ITGA9: variants seen among roughly 807,000 people sequenced by gnomAD.
ITGA9 encodes integrin alpha-9.
In ITGA9, 56 loss-of-function variants were observed where a neutral mutation model predicts 127.8. The ratio of observed to expected loss-of-function variants is 0.44; its 90% CI spans 0.35 to 0.55. The LOEUF (loss-of-function observed/expected upper bound fraction) is 0.55. ITGA9 is among the 20% of genes least tolerant of loss of function. The pLI is 0.00. For missense variants in ITGA9, 1,196 were observed against 1,347.1 expected, an observed-to-expected ratio of 0.89 and a Z score of 1.76; for synonymous variants, 508 against 514.5, an observed-to-expected ratio of 0.99 and a Z score of 0.17.
At chr3:37,564,935 G>T (rs1420187507) in intron 15 of ITGA9, among the ~76,000 whole-genome samples, 4 of 152,236 alleles carry the variant, frequency 2.6e-5, no homozygotes, top group Admixed American at 2.6e-4. Context: ...AAAAGCAGAG[G>T]TGAGGTTAAA....
At chr3:37,511,559 C>T (rs1034408899) in intron 8 of ITGA9, among the ~76,000 whole-genome samples, 1 of 152,204 alleles carries the variant, frequency 6.6e-6, no homozygotes, top group South Asian at 2.1e-4. Context: ...CAGCTTGGCT[C>T]TTTGGGTCTT....
chr3:37,520,647 G>C (rs1699034962), intron 11 of ITGA9, among the ~76,000 whole-genome samples: 1 of 152,212 alleles, frequency 6.6e-6, no homozygotes, highest in African/African-American at 2.4e-5. Flanking sequence ...CTTTTCATTA[G>C]AAGTACATAA....
chr3:37,625,302 TC>T (rs1700166180), intron 15 of ITGA9, among the ~76,000 whole-genome samples: 1 of 152,204 alleles, frequency 6.6e-6, no homozygotes. Context: ...GACTCATTAT[TC>T]CCTGAAGGTC....
intron 17 of ITGA9, among the ~76,000 whole-genome samples, chr3:37,667,587 C>T (rs577489317): frequency 1.2e-4 from 18 of 152,308 alleles, no homozygotes; most frequent in South Asian, 2.1e-4. Flanking sequence ...CTGGCTCCAG[C>T]GCAGCTCAGG....
chr3:37,479,637 C>A (rs535820629), intron 3 of ITGA9, among the ~76,000 whole-genome samples: 2 of 152,292 alleles, frequency 1.3e-5, no homozygotes, highest in East Asian at 3.9e-4. Flanking sequence ...TGTCCTGGGA[C>A]ATGTGGCAGG....
At chr3:37,741,220 C>T (rs767904056) in intron 20 of ITGA9, among the ~76,000 whole-genome samples, 10 of 152,226 alleles carry the variant, frequency 6.6e-5, no homozygotes, top group Admixed American at 1.3e-4. Flanking sequence ...CTGAGGCTTT[C>T]TCTGGCCAGA....
intron 20 of ITGA9, among the ~76,000 whole-genome samples, chr3:37,740,302 TTTC>T (rs1696417393): frequency 6.6e-6 from 1 of 151,602 alleles, no homozygotes; most frequent in South Asian, 2.1e-4. Context: ...AGGGGACTCT[TTTC>T]TTCCGCCCAT....
intron 3 of ITGA9, among the ~76,000 whole-genome samples, chr3:37,474,543 G>A (rs35590538): frequency 6.6e-6 from 1 of 151,952 alleles, no homozygotes; most frequent in African/African-American, 2.4e-5. Context: ...AGCCCGATGG[G>A]TTTTCACGCA....
At chr3:37,457,146 C>T (rs1222745144) in intron 1 of ITGA9, among the ~76,000 whole-genome samples, 1 of 152,212 alleles carries the variant, frequency 6.6e-6, no homozygotes, top group African/African-American at 2.4e-5. Context: ...GTGCTTACAT[C>T]TAACTAAAAA....
At chr3:37,641,948 T>C (rs1700338008) in intron 16 of ITGA9, among the ~76,000 whole-genome samples, 2 of 152,176 alleles carry the variant, frequency 1.3e-5, no homozygotes, top group South Asian at 4.1e-4. Context: ...GCTGCCTTTC[T>C]TTGTTTTGAC....
chr3:37,692,973 C>T (rs752498884), intron 18 of ITGA9, among the ~76,000 whole-genome samples: 1 of 152,132 alleles, frequency 6.6e-6, no homozygotes, highest in Non-Finnish European at 1.5e-5. Flanking sequence ...AACAAAGAAA[C>T]AGTGCTGACA....
intron 5 of ITGA9, among the ~76,000 whole-genome samples, chr3:37,497,233 A>T (rs577380562): frequency 2.0e-5 from 3 of 152,114 alleles, no homozygotes; most frequent in African/African-American, 7.2e-5. Context: ...ATGTGTTGCA[A>T]ATTTTTTCAT....
intron 3 of ITGA9, 31 bp downstream of exon 3, chr3:37,473,491 G>T (rs751389038): frequency 6.6e-7 from 1 of 1,512,582 alleles, no homozygotes. Context: ...CTGTGGGAAG[G>T]GGGTGGCACT....
chr3:37,808,815 T>C (rs909775998), intron 27 of ITGA9: 2 of 152,248 alleles, frequency 1.3e-5, no homozygotes, highest in South Asian at 2.1e-4. Context: ...CCTCTCCATG[T>C]TGACTCAGGG....
At chr3:37,757,026 C>T (rs941609359) in intron 23 of ITGA9, among the ~76,000 whole-genome samples, 4 of 149,720 alleles carry the variant, frequency 2.7e-5, no homozygotes, top group Non-Finnish European at 4.4e-5. Flanking sequence ...AAAACCAACA[C>T]AGAGGAAAAT....
chr3:37,700,645 C>T (rs1014358473), intron 18 of ITGA9, among the ~76,000 whole-genome samples: 4 of 152,168 alleles, frequency 2.6e-5, no homozygotes, highest in African/African-American at 9.7e-5. Context: ...CCACCACACC[C>T]GGCCTGGAAT....
chr3:37,776,133 A>C (rs1280909498), intron 23 of ITGA9, among the ~76,000 whole-genome samples: 3 of 152,234 alleles, frequency 2.0e-5, no homozygotes, highest in Non-Finnish European at 4.4e-5. Flanking sequence ...CTAAATTATG[A>C]GAACTCATGA....
intron 15 of ITGA9, among the ~76,000 whole-genome samples, chr3:37,581,422 G>T (rs2125609842): frequency 6.6e-6 from 1 of 152,336 alleles, no homozygotes; most frequent in South Asian, 2.1e-4. Context: ...TGTAGCCCAG[G>T]ACTGTGCATG....
At chr3:37,729,737 C>T (rs1696263814) in intron 18 of ITGA9, among the ~76,000 whole-genome samples, 1 of 121,594 alleles carries the variant, frequency 8.2e-6, no homozygotes, top group South Asian at 2.7e-4. Context: ...CAGAGTCTTG[C>T]TCTGTCACCA....
Sources: allele counts gnomAD v4.1 joint callset (sites outside exome capture counted in the v4.1 genomes callset), GRCh38; gene constraint gnomAD v4.1.1; transcripts MANE v1.5; gene names NCBI Gene and HGNC (gene_info 2026-07-23, HGNC 2026-07-21).